The following TSHZ3 variants were observed in gnomAD, a reference collection of about 807,000 sequenced individuals.
TSHZ3 encodes the protein teashirt zinc finger homeobox 3, also known as teashirt homolog 3.
In TSHZ3, 10 loss-of-function variants were observed where a neutral mutation model predicts 64.5. That is an observed-to-expected ratio of 0.16 (90% CI 0.10 to 0.26). TSHZ3 has a LOEUF of 0.26. Among genes scored for constraint, TSHZ3 ranks in the 10% least tolerant of loss-of-function variants. The pLI, the probability that TSHZ3 is intolerant of heterozygous loss-of-function variation, is 1.00. For synonymous variants in TSHZ3, 608 were observed against 593.1 expected (o/e 1.03, Z -0.36); for missense variants, 1,242 against 1,421.7 (o/e 0.87, Z 2.03).
intron 4 of TSHZ3, among the ~76,000 whole-genome samples, chr19:31,220,944 T>C (rs1599590353): frequency 6.6e-6 from 1 of 152,254 alleles, no homozygotes; most frequent in East Asian, 1.9e-4. Context: ...AACAGGCAAA[T>C]CCACCAAAAG....
chr19:31,315,022 C>A (rs1771705109), intron 1 of TSHZ3, among the ~76,000 whole-genome samples: 1 of 152,212 alleles, frequency 6.6e-6, no homozygotes, highest in Non-Finnish European at 1.5e-5. Flanking sequence ...AGCAGGGAAT[C>A]CTGCCACCAG....
chr19:31,291,565 C>A (rs1051916595), intron 1 of TSHZ3, among the ~76,000 whole-genome samples: 1 of 152,156 alleles, frequency 6.6e-6, no homozygotes, highest in Non-Finnish European at 1.5e-5. Flanking sequence ...GGCACCAATC[C>A]CAGTACAAAC....
intron 1 of TSHZ3, among the ~76,000 whole-genome samples, chr19:31,336,058 CCTG>C (rs1334963111): frequency 6.6e-6 from 1 of 152,100 alleles, no homozygotes; most frequent in African/African-American, 2.4e-5. Flanking sequence ...CTTTTTTCCT[CCTG>C]CTAATTTTAG....
At chr19:31,349,484 A>T, upstream of TSHZ3, 1 of 349,228 alleles carries the variant, frequency 2.9e-6, no homozygotes, top group Non-Finnish European at 5.1e-6. Flanking sequence ...GGGGGGGAGG[A>T]GGAGGCAGAG....
At chr19:31,309,702 A>G (rs1916401116) in intron 1 of TSHZ3, among the ~76,000 whole-genome samples, 1 of 152,222 alleles carries the variant, frequency 6.6e-6, no homozygotes, top group Admixed American at 6.5e-5. Flanking sequence ...TGTGGCGCAA[A>G]GAGGAATGAC....
intron 2 of TSHZ3, among the ~76,000 whole-genome samples, chr19:31,242,721 A>T (rs780503723): frequency 9.3e-5 from 14 of 151,164 alleles, no homozygotes; most frequent in Non-Finnish European, 1.9e-4. Flanking sequence ...TGGAACTCTG[A>T]TGTCCAAAAG....
In TSHZ3 at chr19:31,201,893, G is replaced by A. The variant is rs560871118; in HGVS notation, n.809+3063C>T. Among the ~76,000 whole-genome samples the A allele has an allele frequency of 9.1e-4, 138 of 152,270 alleles. 1 individual carries two copies. The highest frequency in any genetic ancestry group is 3.0e-3 in the African/African-American group (123 of 41,548). The stretch of plus-strand genomic sequence containing the variant: ...AACCCATAAAAAGTCATGGCTGGGC[G>A]CAGTGGCTCATGCCTGTAATCCCAG... On this transcript the variant is annotated intron_variant and non_coding_transcript_variant, in intron 5 of 6. Transcript: ENST00000651361.
intron 1 of TSHZ3, among the ~76,000 whole-genome samples, chr19:31,299,051 C>T (rs753385414): frequency 2.0e-5 from 3 of 152,126 alleles, no homozygotes; most frequent in South Asian, 2.1e-4. Context: ...GAAAATTAGC[C>T]GGGCGTGGTA....
intron 1 of TSHZ3, among the ~76,000 whole-genome samples, chr19:31,337,568 G>T (rs1221646647): frequency 6.6e-6 from 1 of 152,160 alleles, no homozygotes; most frequent in Non-Finnish European, 1.5e-5. Context: ...CATCACCTTT[G>T]TACCACTGGC....
At chr19:31,334,981 G>T (rs1408793149) in intron 1 of TSHZ3, among the ~76,000 whole-genome samples, 1 of 152,072 alleles carries the variant, frequency 6.6e-6, no homozygotes, top group African/African-American at 2.4e-5. Flanking sequence ...AAGCTGCCAG[G>T]GGTTACCTGG....
At chr19:31,214,026 G>T (rs1024867034) in intron 4 of TSHZ3, among the ~76,000 whole-genome samples, 1 of 152,104 alleles carries the variant, frequency 6.6e-6, no homozygotes, top group Non-Finnish European at 1.5e-5. Flanking sequence ...GAGTGTGGCC[G>T]CCAGGCCATC....
At chr19:31,301,541 G>A (rs1391517015) in intron 1 of TSHZ3, among the ~76,000 whole-genome samples, 1 of 152,150 alleles carries the variant, frequency 6.6e-6, no homozygotes, top group Non-Finnish European at 1.5e-5. Flanking sequence ...TGCAGTGGCT[G>A]GGCTGCCTGA....
At position 31,349,310 on chromosome 19, in the gene TSHZ3, G is replaced by A. The variant is rs2145208319; in HGVS notation, c.-91C>T. 2 of 1,318,562 alleles carry A rather than the reference G, an allele frequency of 1.5e-6. No individual in the cohort carries two copies. Among genetic ancestry groups the A allele is most frequent in the East Asian group, 2.9e-5 (1 of 33,978 alleles). The allele number at this position is 1,318,562 out of a possible 1,614,324, so 81.7% of individuals were successfully genotyped here. A position where few individuals can be genotyped will look rare whatever the true frequency, so the allele number is the denominator to read the frequency against. ...GGGGGCGGCGGGCCCGCGGGGGGGC[G>A]AGGCGGGCCTGCTCTCAGCCTCCCC... On this transcript the variant is annotated 5_prime_UTR_variant, in exon 1 of 2. Transcript: ENST00000240587.
intron 1 of TSHZ3, among the ~76,000 whole-genome samples, chr19:31,347,653 A>C (rs2021556875): frequency 6.6e-6 from 1 of 152,162 alleles, no homozygotes; most frequent in Admixed American, 6.5e-5. Flanking sequence ...AGCTCCCTAC[A>C]ATCACTCCTG....
At chr19:31,301,613 C>T (rs1411229930) in intron 1 of TSHZ3, among the ~76,000 whole-genome samples, 2 of 152,126 alleles carry the variant, frequency 1.3e-5, no homozygotes, top group Non-Finnish European at 2.9e-5. Flanking sequence ...GGAGACACCC[C>T]GGCAAAGGGA....
chr19:31,307,563 G>T (rs948037853), intron 1 of TSHZ3, among the ~76,000 whole-genome samples: 2 of 152,158 alleles, frequency 1.3e-5, no homozygotes, highest in Non-Finnish European at 2.9e-5. Flanking sequence ...CAAAGCCAAG[G>T]GTGCCCCCCA....
At position 31,277,104 on chromosome 19, in the gene TSHZ3, T is replaced by C; in HGVS notation, c.2689A>G (p.Asn897Asp). 6.2e-7 allele frequency: 1 copy of C among 1,603,936 alleles called. No homozygotes were observed. ...PAQKRKGRQSNWNPQHLLILQ... is the reference protein window; with the variant it reads ...PAQKRKGRQSDWNPQHLLILQ... ...ATCAGGAGGTGCTGGGGGTTCCAGTTTGACTGGCGGCCCTTCCTCTTCTGG... is the reference window on the plus strand; with the variant it reads ...ATCAGGAGGTGCTGGGGGTTCCAGTCTGACTGGCGGCCCTTCCTCTTCTGG... The change falls in exon 2 of 2, where the codon AAC (asparagine) becomes GAC (aspartate). Residue 897 changes from asparagine to aspartate, a missense_variant. Physicochemically the swap from Asn to Asp is conservative, Grantham distance 23. Transcript: ENST00000240587. The surrounding 1 kb of genome is among the most constrained non-coding windows in gnomAD (Gnocchi z 4.5).
chr19:31,270,950 C>T (rs1976126522), downstream of TSHZ3, among the ~76,000 whole-genome samples: 1 of 152,166 alleles, frequency 6.6e-6, no homozygotes, highest in Non-Finnish European at 1.5e-5. Flanking sequence ...CTCTGATCTG[C>T]TATCATTAGA....
chr19:31,247,519 C>T (rs1395391711), intron 1 of TSHZ3, among the ~76,000 whole-genome samples: 1 of 152,252 alleles, frequency 6.6e-6, no homozygotes, highest in Non-Finnish European at 1.5e-5. Context: ...CCCTCAAAAA[C>T]GTCAGTGTCA....
Sources: gnomAD v4.1 joint callset for allele counts (sites outside exome capture counted in the v4.1 genomes callset) on GRCh38, gnomAD v4.1.1 for gene constraint, Gnocchi (gnomAD v3.1) non-coding constraint, MANE v1.5 for transcripts, NCBI Gene and HGNC (gene_info 2026-07-23, HGNC 2026-07-21) for gene names.